C5orf63: variants seen among roughly 807,000 people sequenced by gnomAD.
C5orf63 encodes the protein glutaredoxin-like protein C5orf63.
Under a neutral mutation model 13.3 loss-of-function variants are expected in C5orf63, and 18 were observed. The ratio of observed to expected loss-of-function variants is 1.36; its 90% CI spans 0.94 to 2.01. The LOEUF (loss-of-function observed/expected upper bound fraction) is 2.01, where lower values mean the gene tolerates loss of function less well. C5orf63 is among the 30% of genes most tolerant of loss of function. C5orf63 has a pLI of 0.00. For missense variants in C5orf63, 118 were observed against 127.7 expected (o/e 0.92, Z 0.36); for synonymous variants, 38 against 44.7 (o/e 0.85, Z 0.60).
chr5:127,045,190 G>A (rs1753495401), downstream of C5orf63: 1 of 152,134 alleles, frequency 6.6e-6, no homozygotes, highest in Non-Finnish European at 1.5e-5. Context: ...TTCTATTGCT[G>A]CTGTACCAAA....
rs148313482 is a variant in C5orf63, at chr5:127,061,487, A to G, written c.-7-2485T>C. Reference sequence around the variant, plus strand: ...CTAAATGATCCTGATAAATGCATAAAAAAGGAATATGATGAGAATTTTACA... The same window carrying G: ...CTAAATGATCCTGATAAATGCATAAGAAAGGAATATGATGAGAATTTTACA... On this transcript the variant is annotated intron_variant, in intron 2 of 4. Transcript: ENST00000296662. Among the ~76,000 whole-genome samples the G allele has an allele frequency of 7.9e-5, 12 of 152,338 alleles. No individual in the cohort carries two copies. In the East Asian group the frequency reaches 2.3e-3, roughly 29 times the overall value.
intron 3 of C5orf63, among the ~76,000 whole-genome samples, chr5:127,055,101 T>C (rs1226673752): frequency 6.6e-6 from 1 of 152,220 alleles, no homozygotes; most frequent in Non-Finnish European, 1.5e-5. Context: ...TCTATATCTC[T>C]GTTTTGGTAC....
chr5:127,051,100 G>A (rs1332878681), downstream of C5orf63, among the ~76,000 whole-genome samples: 2 of 152,174 alleles, frequency 1.3e-5, no homozygotes, highest in Non-Finnish European at 2.9e-5. Context: ...ATGAAAGGCA[G>A]TCCTCAAATA....
intron 2 of C5orf63, among the ~76,000 whole-genome samples, chr5:127,068,627 C>T (rs1754414613): frequency 6.6e-6 from 1 of 152,224 alleles, no homozygotes; most frequent in Non-Finnish European, 1.5e-5. Flanking sequence ...ACACTGCTGT[C>T]TTTGCCTCAG....
rs61292941 is a variant in C5orf63, at chr5:127,065,912, G to A, written c.-8+5672C>T. ...GGTGATGAACAAGAAAGTAAGGTACGTTGCCTTCATGGGGTCCATGTGCTA... is the reference window on the plus strand; with the variant it reads ...GGTGATGAACAAGAAAGTAAGGTACATTGCCTTCATGGGGTCCATGTGCTA... On this transcript the variant is annotated intron_variant, in intron 2 of 4. Transcript: ENST00000296662. Among the ~76,000 whole-genome samples, 1,197 of 152,242 alleles carry A rather than the reference G, an allele frequency of 7.9e-3. 17 individuals are homozygous for A. The highest frequency in any genetic ancestry group is 0.026 in the African/African-American group (1,092 of 41,536).
intron 3 of C5orf63, among the ~76,000 whole-genome samples, chr5:127,054,398 T>C (rs916392650): frequency 2.0e-5 from 3 of 152,188 alleles, no homozygotes; most frequent in African/African-American, 7.2e-5. Context: ...CCAGCACCTG[T>C]TGTTTCCTGC....
chr5:127,063,593 G>A (rs571918658), intron 2 of C5orf63, among the ~76,000 whole-genome samples: 1 of 152,190 alleles, frequency 6.6e-6, no homozygotes, highest in South Asian at 2.1e-4. Context: ...TCATCAGCAA[G>A]CTGCAGTGTT....
At chr5:127,072,482 T>G (rs1754583742) in intron 1 of C5orf63, among the ~76,000 whole-genome samples, 2 of 152,208 alleles carry the variant, frequency 1.3e-5, no homozygotes. Context: ...TTCAGCATTG[T>G]GCACCAAGGC....
At chr5:127,072,771 A>G (rs763949393) in intron 1 of C5orf63, among the ~76,000 whole-genome samples, 2 of 152,210 alleles carry the variant, frequency 1.3e-5, no homozygotes, top group Non-Finnish European at 2.9e-5. Flanking sequence ...CCTAACTCAC[A>G]ATGACATTTT....
downstream of C5orf63, chr5:127,047,975 G>A (rs1324877631): frequency 1.6e-6 from 1 of 629,226 alleles, no homozygotes. Context: ...TGGTGGAGTT[G>A]TATACTGGCC....
intron 2 of C5orf63, among the ~76,000 whole-genome samples, chr5:127,061,318 G>A (rs539209062): frequency 7.9e-5 from 12 of 152,208 alleles, no homozygotes; most frequent in South Asian, 2.1e-4. Flanking sequence ...AGAATGATAC[G>A]ACTTTAGAGA....
At chr5:127,053,254 A>C (rs1753751782) in intron 3 of C5orf63, among the ~76,000 whole-genome samples, 1 of 152,180 alleles carries the variant, frequency 6.6e-6, no homozygotes, top group Admixed American at 6.5e-5. Flanking sequence ...TTCCTGGACA[A>C]ATTCTCCACC....
chr5:127,061,002 G>C (rs1248739739), intron 2 of C5orf63, among the ~76,000 whole-genome samples: 2 of 152,144 alleles, frequency 1.3e-5, no homozygotes, highest in African/African-American at 2.4e-5. Context: ...ATATTTATTT[G>C]TATGTTAAAA....
At chr5:127,059,736 A>T (rs1344381994) in intron 2 of C5orf63, among the ~76,000 whole-genome samples, 1 of 151,484 alleles carries the variant, frequency 6.6e-6, no homozygotes, top group South Asian at 2.1e-4. Context: ...CTCAAAAAAA[A>T]AAAAAAAGAA....
chr5:127,047,884 G>C (rs897944746), downstream of C5orf63: 1 of 702,638 alleles, frequency 1.4e-6, no homozygotes, highest in Non-Finnish European at 2.6e-6. Flanking sequence ...TCTTCTCCTT[G>C]TTCCTGGCAG....
intron 2 of C5orf63, among the ~76,000 whole-genome samples, chr5:127,065,257 G>A (rs916921769): frequency 1.3e-5 from 2 of 152,150 alleles, no homozygotes; most frequent in African/African-American, 4.8e-5. Context: ...AATGAATAAG[G>A]GTTGATCCCA....
chr5:127,067,365 ATC>A (rs542799124), intron 2 of C5orf63, among the ~76,000 whole-genome samples: 277 of 152,358 alleles, frequency 1.8e-3, no homozygotes, highest in Middle Eastern at 0.014. Flanking sequence ...AAACATTTAA[ATC>A]TCTATTAACA....
intron 2 of C5orf63, among the ~76,000 whole-genome samples, 190 bp downstream of exon 2, chr5:127,071,394 T>C (rs1173693721): frequency 2.0e-5 from 3 of 152,248 alleles, no homozygotes; most frequent in East Asian, 1.9e-4. Context: ...AACATTTTCA[T>C]GTTTCCTGTT....
At chr5:127,054,797 A>T (rs1044000753) in intron 3 of C5orf63, among the ~76,000 whole-genome samples, 1 of 152,178 alleles carries the variant, frequency 6.6e-6, no homozygotes, top group Non-Finnish European at 1.5e-5. Flanking sequence ...TGTTTTAGTC[A>T]TGAAGTCCTT....
Sources: gnomAD v4.1 joint callset for allele counts (sites outside exome capture counted in the v4.1 genomes callset) on GRCh38, gnomAD v4.1.1 for gene constraint, MANE v1.5 for transcripts, NCBI Gene and HGNC (gene_info 2026-07-23, HGNC 2026-07-21) for gene names.